DPP10: variants seen among roughly 807,000 people sequenced by gnomAD.
DPP10 encodes the protein inactive dipeptidyl peptidase 10.
In DPP10, 33 loss-of-function variants were observed where a neutral mutation model predicts 120.9. The observed-to-expected ratio is 0.27, with a 90% CI of 0.21 to 0.37. The LOEUF (loss-of-function observed/expected upper bound fraction) is 0.37. Ranked by LOEUF, DPP10 falls within the 10% of genes least tolerant of loss-of-function variation. The probability of loss-of-function intolerance (pLI) is 1.00; values close to 1 mark genes in which losing one functional copy is unlikely to be tolerated. For missense variants in DPP10, 816 were observed against 942.8 expected (o/e 0.87, Z 1.76); for synonymous variants, 337 against 326.1 (o/e 1.03, Z -0.36).
chr2:114,901,779 TGGG>T lies in DPP10; in HGVS notation c.61-407459_61-407457del, dbSNP rs1165816890. On this transcript the variant is annotated intron_variant, in intron 1 of 25. Coordinates refer to ENST00000410059, the MANE Select transcript of DPP10 (RefSeq NM_020868.6). ...GCTTTCAGTGAAAATTTTAAAGAAG[TGGG>T]ATCAAGAACCTTAAGCTCTTTCTTC... is the stretch of plus-strand genomic sequence containing the variant. Among the ~76,000 whole-genome samples the T allele has an allele frequency of 3.3e-5, 5 of 152,264 alleles. No homozygotes were observed. In the East Asian group the frequency reaches 7.7e-4, roughly 24 times the overall value.
chr2:114,633,219 CTTTA>C (rs927095378), intron 1 of DPP10, among the ~76,000 whole-genome samples: 1 of 135,542 alleles, frequency 7.4e-6, no homozygotes, highest in African/African-American at 2.9e-5. Flanking sequence ...TTTCTCCTAA[CTTTA>C]TTTATTTCAT....
chr2:114,593,007 A>C (rs1691590542), intron 1 of DPP10, among the ~76,000 whole-genome samples: 1 of 152,152 alleles, frequency 6.6e-6, no homozygotes, highest in Non-Finnish European at 1.5e-5. Context: ...ATTAGATCTT[A>C]ATCTCTTCCA....
At chr2:114,632,325 A>G (rs1694982603) in intron 1 of DPP10, among the ~76,000 whole-genome samples, 1 of 152,022 alleles carries the variant, frequency 6.6e-6, no homozygotes, top group Non-Finnish European at 1.5e-5. Flanking sequence ...TAATGGTTTT[A>G]GCACTCATTA....
intron 1 of DPP10, among the ~76,000 whole-genome samples, chr2:114,747,174 G>A (rs915845635): frequency 7.2e-5 from 11 of 152,142 alleles, no homozygotes; most frequent in African/African-American, 2.4e-4. Context: ...TCCCATCCCC[G>A]GTTCTCCACA....
intron 3 of DPP10, among the ~76,000 whole-genome samples, chr2:115,472,579 T>A (rs1309077679): frequency 6.6e-6 from 1 of 152,172 alleles, no homozygotes; most frequent in East Asian, 1.9e-4. Context: ...ATGTGCCTAA[T>A]TGCTACCTTT....
chr2:115,050,562 A>G lies in DPP10; in HGVS notation c.61-258677A>G, dbSNP rs115193781. ...AAGTGAATAAAAGTTGGGGCAAAAAAAAATAGATTAATTAAAAGCTTAGGA... is the reference window on the plus strand; with the variant it reads ...AAGTGAATAAAAGTTGGGGCAAAAAGAAATAGATTAATTAAAAGCTTAGGA... On this transcript the variant is annotated intron_variant, in intron 1 of 25. Transcript: ENST00000410059. Among the ~76,000 whole-genome samples the G allele has an allele frequency of 9.2e-3, 1,402 of 152,262 alleles. 26 individuals are homozygous for G. The highest frequency in any genetic ancestry group is 0.032 in the African/African-American group (1,336 of 41,532).
intron 1 of DPP10, among the ~76,000 whole-genome samples, chr2:115,186,463 C>G (rs1049393555): frequency 1.3e-5 from 2 of 152,140 alleles, no homozygotes; most frequent in African/African-American, 4.8e-5. Flanking sequence ...AGTCAATGCT[C>G]TGGGTGTCTT....
intron 1 of DPP10, among the ~76,000 whole-genome samples, chr2:114,445,531 GCT>G (rs1322562967): frequency 7.2e-5 from 9 of 124,254 alleles, no homozygotes; most frequent in Non-Finnish European, 1.5e-4. Flanking sequence ...AGGAAAAACA[GCT>G]CTGTGTGTGT....
chr2:114,955,845 T>C (rs1441375503), intron 1 of DPP10, among the ~76,000 whole-genome samples: 1 of 152,240 alleles, frequency 6.6e-6, no homozygotes, highest in Non-Finnish European at 1.5e-5. Flanking sequence ...GACTAAGCTA[T>C]ATGATCATTT....
Position 114,982,775 on chromosome 2 carries a change from A to ATT in DPP10, c.61-326453_61-326452dup, listed in dbSNP as rs112053500. Reference sequence around the variant, plus strand: ...GCCACCATGCCTGGCTAATTTTTGCATTTTTTTTTTTTGTAGAAATGGAGT... The same window carrying ATT: ...GCCACCATGCCTGGCTAATTTTTGCATTTTTTTTTTTTTTGTAGAAATGGAGT... On this transcript the variant is annotated intron_variant, in intron 1 of 25. Transcript: ENST00000410059. Among the ~76,000 whole-genome samples the ATT allele has an allele frequency of 4.3e-5, 6 of 139,690 alleles. No individual in the cohort carries two copies. In the South Asian group the frequency reaches 6.9e-4, roughly 16 times the overall value. The allele number at this position is 139,690 out of a possible 152,430, so 91.6% of individuals were successfully genotyped here. A position where few individuals can be genotyped will look rare whatever the true frequency, so the allele number is the denominator to read the frequency against.
chr2:115,321,515 GTT>G (rs35046366), intron 2 of DPP10, among the ~76,000 whole-genome samples: 2,105 of 121,582 alleles, frequency 0.017, 51 homozygotes, highest in African/African-American at 0.061. Context: ...TTTTTTTAGT[GTT>G]TTTTTTTTTT....
At chr2:115,089,879 TA>T (rs1709095719) in intron 1 of DPP10, among the ~76,000 whole-genome samples, 6 of 152,244 alleles carry the variant, frequency 3.9e-5, no homozygotes, top group African/African-American at 1.2e-4. Flanking sequence ...TTTCCTGGTT[TA>T]TCTCTTAAAC....
chr2:115,622,835 T>TG (rs940806381), intron 5 of DPP10, among the ~76,000 whole-genome samples: 9 of 122,702 alleles, frequency 7.3e-5, no homozygotes, highest in African/African-American at 2.4e-4. Context: ...TATTCTTTTT[T>TG]TTTTTTTTTT....
At chr2:115,273,329 T>A (rs1487011639) in intron 1 of DPP10, among the ~76,000 whole-genome samples, 1 of 152,222 alleles carries the variant, frequency 6.6e-6, no homozygotes, top group East Asian at 1.9e-4. Flanking sequence ...TGAGACAGCT[T>A]GCTTTTTTTT....
chr2:114,896,500 G>A (rs541977231), intron 1 of DPP10, among the ~76,000 whole-genome samples: 26 of 152,074 alleles, frequency 1.7e-4, no homozygotes, highest in African/African-American at 5.5e-4. Context: ...TGAAGCAATT[G>A]TGAATGGGAG....
At chr2:114,927,576 AATCGGAATATGCATCC>A (rs1695728903) in intron 1 of DPP10, among the ~76,000 whole-genome samples, 1 of 152,136 alleles carries the variant, frequency 6.6e-6, no homozygotes, top group Non-Finnish European at 1.5e-5. Context: ...CAAAGAGGGC[AATCGGAATATGCATCC>A]ATCTCTGTGA....
intron 1 of DPP10, among the ~76,000 whole-genome samples, chr2:114,879,112 T>C (rs1006130429): frequency 1.3e-5 from 2 of 152,060 alleles, no homozygotes; most frequent in African/African-American, 4.8e-5. Flanking sequence ...ATTCAAATAG[T>C]AGATGACTTC....
chr2:115,365,224 GGTACTCT>G (rs1451973703), intron 3 of DPP10, among the ~76,000 whole-genome samples: 1 of 152,004 alleles, frequency 6.6e-6, no homozygotes, highest in Non-Finnish European at 1.5e-5. Flanking sequence ...GGCTGATGGA[GGTACTCT>G]GCATGACAGC....
intron 1 of DPP10, among the ~76,000 whole-genome samples, chr2:114,727,842 G>C (rs1676485101): frequency 6.6e-6 from 1 of 152,192 alleles, no homozygotes; most frequent in Non-Finnish European, 1.5e-5. Context: ...TAATAGCAGT[G>C]AGAGTCACTA....
Sources: allele counts gnomAD v4.1 joint callset (sites outside exome capture counted in the v4.1 genomes callset), GRCh38; gene constraint gnomAD v4.1.1; transcripts MANE v1.5; gene names NCBI Gene and HGNC (gene_info 2026-07-23, HGNC 2026-07-21).